The following COG5 variants were observed in gnomAD, a reference collection of about 807,000 sequenced individuals.
COG5 encodes conserved oligomeric Golgi complex subunit 5.
COG5 carries 86 observed loss-of-function variants against 110.4 expected under a neutral mutation model. The ratio of observed to expected loss-of-function variants is 0.78; its 90% confidence interval spans 0.65 to 0.93. The LOEUF (loss-of-function observed/expected upper bound fraction) is 0.93, where lower values mean the gene tolerates loss of function less well. COG5 is among the 40% of genes least tolerant of loss of function. The probability of loss-of-function intolerance (pLI) is 0.00; values close to 1 mark genes in which losing one functional copy is unlikely to be tolerated. For synonymous variants in COG5, 360 were observed against 334.6 expected (o/e 1.08, Z -0.83); for missense variants, 1,077 against 987.0 (o/e 1.09, Z -1.22).
chr7:107,307,952 T>C (rs1288616138), intron 11 of COG5, among the ~76,000 whole-genome samples: 1 of 152,194 alleles, frequency 6.6e-6, no homozygotes, highest in Admixed American at 6.5e-5. Flanking sequence ...CACAGTTCTC[T>C]TATACTTTAC....
chr7:107,241,353 G>GTT (rs201819480), intron 17 of COG5, among the ~76,000 whole-genome samples: 1 of 145,442 alleles, frequency 6.9e-6, no homozygotes, highest in Admixed American at 6.9e-5. Context: ...TCCAAATATA[G>GTT]TTTTTTTTTC....
chr7:107,249,690 TTGTGTGTGTGTGTGTGTGTGTG>T (rs57572752), intron 16 of COG5, among the ~76,000 whole-genome samples: 19 of 131,658 alleles, frequency 1.4e-4, no homozygotes, highest in East Asian at 8.8e-4. Flanking sequence ...ACGTACAGGA[TTGTGTGTGTGTGTGTGTGTGTG>T]TGTGTGTGTG....
At position 107,298,858 on chromosome 7, in the gene COG5, T is replaced by C. The variant is rs114726610; in HGVS notation, c.1109-512A>G. ...GCTTGTTCTCTAACCAAAATAGTTT[T>C]AGATTAGAAATCAGTAACAAAAAGA... On this transcript the variant is annotated intron_variant, in intron 11 of 21. Coordinates refer to ENST00000297135, the MANE Select transcript of COG5 (RefSeq NM_006348.5). Among the ~76,000 whole-genome samples, 679 of 152,302 alleles carry C rather than the reference T, an allele frequency of 4.5e-3. 3 individuals carry two copies. Among genetic ancestry groups the C allele is most frequent in the African/African-American group, 0.016 (651 of 41,568 alleles).
intron 6 of COG5, among the ~76,000 whole-genome samples, chr7:107,516,139 C>CAATA (rs532364982): frequency 1.9e-3 from 290 of 152,274 alleles, no homozygotes; most frequent in Admixed American, 3.9e-3. Flanking sequence ...TTAAAAAGTA[C>CAATA]AATAAATATG....
At chr7:107,420,756 C>T (rs1444741912) in intron 6 of COG5, among the ~76,000 whole-genome samples, 2 of 152,188 alleles carry the variant, frequency 1.3e-5, no homozygotes, top group African/African-American at 2.4e-5. Context: ...CCACCGTGCC[C>T]ATCCTAAAAT....
At chr7:107,245,531 T>G (rs1186705796) in intron 17 of COG5, among the ~76,000 whole-genome samples, 1 of 152,040 alleles carries the variant, frequency 6.6e-6, no homozygotes, top group Non-Finnish European at 1.5e-5. Context: ...GGATACAAAA[T>G]CAATGCACAA....
At chr7:107,391,472 C>T (rs1260386395) in intron 7 of COG5, among the ~76,000 whole-genome samples, 4 of 152,112 alleles carry the variant, frequency 2.6e-5, no homozygotes, top group South Asian at 2.1e-4. Flanking sequence ...GCTGTGCAAA[C>T]GTTTACAAGT....
At chr7:107,439,206 A>G (rs1295820692) in intron 6 of COG5, among the ~76,000 whole-genome samples, 1 of 152,056 alleles carries the variant, frequency 6.6e-6, no homozygotes, top group Non-Finnish European at 1.5e-5. Context: ...CTCTTACATC[A>G]TCAATTTTTC....
In COG5 at chr7:107,246,553, A is replaced by C. The variant is rs1802074124; in HGVS notation, c.1853+1843T>G. On this transcript the variant is annotated intron_variant, in intron 17 of 21. Coordinates refer to ENST00000297135, the MANE Select transcript of COG5 (RefSeq NM_006348.5). ...AACAACCCCATTAAAAGGTGGGCAA[A>C]AGACATGAACAGACACTTCTCAAAA... Among the ~76,000 whole-genome samples the C allele has an allele frequency of 2.6e-5, 4 of 152,346 alleles. No individual in the cohort carries two copies. The South Asian group carries it at 8.3e-4, about 32-fold the overall frequency.
At chr7:107,432,640 A>G (rs1305258524) in intron 6 of COG5, among the ~76,000 whole-genome samples, 1 of 152,188 alleles carries the variant, frequency 6.6e-6, no homozygotes, top group Non-Finnish European at 1.5e-5. Context: ...ACATGAAAAT[A>G]AAGTCTTTTC....
chr7:107,517,441 A>C (rs1800005937), intron 6 of COG5, among the ~76,000 whole-genome samples: 1 of 152,186 alleles, frequency 6.6e-6, no homozygotes, highest in Non-Finnish European at 1.5e-5. Flanking sequence ...TATCCAGGAG[A>C]ACTTCCCCAG....
chr7:107,475,614 C>A (rs929980720), intron 6 of COG5: 1 of 326,298 alleles, frequency 3.1e-6, no homozygotes, highest in Non-Finnish European at 5.9e-6. Context: ...AGAAAATATT[C>A]ATGTAAGTCA....
intron 10 of COG5, among the ~76,000 whole-genome samples, chr7:107,338,317 G>C (rs1810883207): frequency 6.6e-6 from 1 of 151,948 alleles, no homozygotes; most frequent in South Asian, 2.1e-4. Context: ...CAATGACATA[G>C]AATAGATAGC....
chr7:107,311,923 C>G (rs1237626955), intron 11 of COG5, among the ~76,000 whole-genome samples: 1 of 151,716 alleles, frequency 6.6e-6, no homozygotes, highest in East Asian at 1.9e-4. Flanking sequence ...GAAAATTTTC[C>G]CCCGATTCCT....
In COG5 at chr7:107,474,290, G is replaced by C; in HGVS notation, c.538+52947C>G. The C allele has an allele frequency of 6.2e-7, 1 of 1,611,070 alleles. No individual in the cohort carries two copies. The highest frequency in any genetic ancestry group is 8.5e-7 in the Non-Finnish European group (1 of 1,177,506). On this transcript the variant is annotated intron_variant, in intron 6 of 21. Coordinates refer to ENST00000297135, the MANE Select transcript of COG5 (RefSeq NM_006348.5). This position sits in a 1 kb window ranked among gnomAD's most constrained non-coding sequence, Gnocchi z 5.7. ...AAATCCAACTTAATCAACTCTGTCA[G>C]TAACATTATTACAATGAATCTTCAT...
At chr7:107,215,946 T>C (rs1179120929) in intron 19 of COG5, among the ~76,000 whole-genome samples, 1 of 152,056 alleles carries the variant, frequency 6.6e-6, no homozygotes, top group Non-Finnish European at 1.5e-5. Flanking sequence ...CCTGACCTTG[T>C]GATCCACCCA....
chr7:107,289,287 G>C (rs919277195), intron 12 of COG5, among the ~76,000 whole-genome samples: 1 of 152,056 alleles, frequency 6.6e-6, no homozygotes, highest in Non-Finnish European at 1.5e-5. Flanking sequence ...TCGATTGAAA[G>C]AATGGTCTTT....
At chr7:107,538,733 C>A (rs1801767841) in intron 5 of COG5, among the ~76,000 whole-genome samples, 1 of 148,656 alleles carries the variant, frequency 6.7e-6, no homozygotes, top group African/African-American at 2.5e-5. Flanking sequence ...AATATGCTCT[C>A]AGGTATATAC....
intron 10 of COG5, among the ~76,000 whole-genome samples, chr7:107,359,789 G>A (rs1170603771): frequency 6.6e-6 from 1 of 152,058 alleles, no homozygotes; most frequent in Non-Finnish European, 1.5e-5. Flanking sequence ...GCAGATACAA[G>A]CTAAGCACTC....
Sources: allele counts gnomAD v4.1 joint callset (sites outside exome capture counted in the v4.1 genomes callset), GRCh38; gene constraint gnomAD v4.1.1; non-coding constraint Gnocchi (gnomAD v3.1); transcripts MANE v1.5; gene names NCBI Gene and HGNC (gene_info 2026-07-23, HGNC 2026-07-21).